Variants in GPR176 observed in about 807,000 individuals in gnomAD.
GPR176 encodes G protein-coupled receptor 176.
GPR176 carries 26 observed loss-of-function variants against 35.4 expected under a neutral mutation model. The ratio of observed to expected loss-of-function variants is 0.74; its 90% CI spans 0.54 to 1.02. The LOEUF (loss-of-function observed/expected upper bound fraction) is 1.02, where lower values mean the gene tolerates loss of function less well. Ranked by LOEUF, GPR176 falls within the 50% of genes least tolerant of loss-of-function variation. The probability of loss-of-function intolerance (pLI) is 0.00; values close to 1 mark genes in which losing one functional copy is unlikely to be tolerated. For synonymous variants in GPR176, 278 were observed against 271.3 expected (o/e 1.02, Z -0.24); for missense variants, 597 against 665.3 (o/e 0.90, Z 1.13).
chr15:39,889,733 C>G (rs548142760), intron 1 of GPR176, among the ~76,000 whole-genome samples: 70 of 152,242 alleles, frequency 4.6e-4, no homozygotes, highest in African/African-American at 1.7e-3. Context: ...ACGCAAACTC[C>G]TTGGAGGTAA....
At position 39,894,264 on chromosome 15, in the gene GPR176, A is replaced by AC. The variant is rs1393294348; in HGVS notation, c.172+25590dup. On this transcript the variant is annotated intron_variant, in intron 1 of 2. Coordinates refer to ENST00000561100, the MANE Select transcript of GPR176 (RefSeq NM_007223.3). ...GGGCGGCTGGCCGGGTTGGGGGCTGACCCCCCCACCTCCCTCCCGGACGGG... is the reference window on the plus strand; with the variant it reads ...GGGCGGCTGGCCGGGTTGGGGGCTGACCCCCCCCACCTCCCTCCCGGACGGG... Among the ~76,000 whole-genome samples, 156 of 92,038 alleles carry AC rather than the reference A, an allele frequency of 1.7e-3. 2 individuals carry two copies. Among genetic ancestry groups the AC allele is most frequent in the African/African-American group, 5.1e-3 (142 of 27,988 alleles). 60.4% of individuals were successfully genotyped at this position (92,038 alleles called of 152,430 possible). A position where few individuals can be genotyped will look rare whatever the true frequency, so the allele number is the denominator to read the frequency against.
At chr15:39,807,622 A>G (rs1452794757) in intron 1 of GPR176, 4 of 987,928 alleles carry the variant, frequency 4.0e-6, no homozygotes, top group East Asian at 2.6e-5. Context: ...CATGTTGCCA[A>G]ACTCTGCAAC....
At chr15:39,820,582 A>ATCTG (rs568933035) in intron 1 of GPR176, among the ~76,000 whole-genome samples, 46 of 152,318 alleles carry the variant, frequency 3.0e-4, no homozygotes, top group African/African-American at 1.1e-3. Flanking sequence ...CCAGAATAAT[A>ATCTG]TCTGTAGTAA....
chr15:39,807,429 T>A, intron 1 of GPR176, 171 bp from the exon 2 acceptor site: 1 of 751,688 alleles, frequency 1.3e-6, no homozygotes, highest in Non-Finnish European at 2.0e-6. Flanking sequence ...TACAGTCAAT[T>A]TATGTGAAAT....
chr15:39,805,971 AG>A (rs1156720680), intron 2 of GPR176, among the ~76,000 whole-genome samples: 1 of 152,204 alleles, frequency 6.6e-6, no homozygotes, highest in African/African-American at 2.4e-5. Context: ...GACTTCTCCC[AG>A]TATGCTGGGG....
intron 1 of GPR176, among the ~76,000 whole-genome samples, chr15:39,886,435 C>A (rs951853742): frequency 1.3e-5 from 2 of 152,054 alleles, no homozygotes; most frequent in African/African-American, 4.8e-5. Context: ...ATCCCCCACC[C>A]CCATCTTGAT....
Position 39,800,799 on chromosome 15 carries a change from G to A in GPR176, c.*333C>T. 4.0e-6 allele frequency: 1 copy of A among 248,096 alleles called. No individual in the cohort carries two copies. The highest frequency in any genetic ancestry group is 7.8e-6 in the Non-Finnish European group (1 of 128,060). 15.4% of individuals were successfully genotyped at this position (248,096 alleles called of 1,614,324 possible). On this transcript the variant is annotated 3_prime_UTR_variant, in exon 3 of 3. Transcript: ENST00000561100. ...AAAGTCTTCTCTCTGTGTGTTCTCT[G>A]CAGAGCCCAGGGAAGTGAGGCATCC...
intron 1 of GPR176, among the ~76,000 whole-genome samples, chr15:39,841,472 G>A (rs2029977638): frequency 6.6e-6 from 1 of 152,154 alleles, no homozygotes; most frequent in African/African-American, 2.4e-5. Context: ...TAAAAAAGGG[G>A]AGATTTGTCC....
chr15:39,838,022 G>C (rs1901515557), intron 1 of GPR176, among the ~76,000 whole-genome samples: 1 of 149,276 alleles, frequency 6.7e-6, no homozygotes, highest in Non-Finnish European at 1.5e-5. Context: ...AAGTCAAAAG[G>C]TACCAGCTGC....
intron 1 of GPR176, among the ~76,000 whole-genome samples, chr15:39,856,486 G>A (rs983030657): frequency 8.5e-5 from 13 of 152,196 alleles, no homozygotes; most frequent in Non-Finnish European, 1.5e-4. Flanking sequence ...GGAGACTATG[G>A]TCAAGCTATG....
chr15:39,816,345 C>T (rs1188294615), intron 1 of GPR176, among the ~76,000 whole-genome samples: 3 of 152,094 alleles, frequency 2.0e-5, no homozygotes, highest in Non-Finnish European at 4.4e-5. Flanking sequence ...AGCCACTCCA[C>T]ATTATACACC....
intron 1 of GPR176, among the ~76,000 whole-genome samples, chr15:39,900,778 T>C (rs2033254042): frequency 6.6e-6 from 1 of 152,146 alleles, no homozygotes; most frequent in Non-Finnish European, 1.5e-5. Context: ...AGATGATGAG[T>C]TCCCTGACAT....
At chr15:39,856,956 G>A (rs1325046213) in intron 1 of GPR176, among the ~76,000 whole-genome samples, 1 of 152,182 alleles carries the variant, frequency 6.6e-6, no homozygotes, top group East Asian at 1.9e-4. Flanking sequence ...TGAGTTTGGG[G>A]AAGATTCCGG....
chr15:39,883,344 G>A (rs2032552103), intron 1 of GPR176, among the ~76,000 whole-genome samples: 1 of 151,862 alleles, frequency 6.6e-6, no homozygotes, highest in South Asian at 2.1e-4. Context: ...TCACTGATAT[G>A]AGAAACGTTT....
intron 1 of GPR176, among the ~76,000 whole-genome samples, chr15:39,831,796 C>T (rs1363857243): frequency 6.6e-6 from 1 of 152,078 alleles, no homozygotes; most frequent in African/African-American, 2.4e-5. Flanking sequence ...TTCCATCAGC[C>T]CTCCGTATCC....
At chr15:39,827,705 C>T (rs925211661) in intron 1 of GPR176, among the ~76,000 whole-genome samples, 4 of 152,122 alleles carry the variant, frequency 2.6e-5, no homozygotes, top group African/African-American at 7.2e-5. Context: ...TAGATTGGTG[C>T]AATTGTGGTT....
chr15:39,830,178 T>C (rs138154871), intron 1 of GPR176, among the ~76,000 whole-genome samples: 7 of 152,262 alleles, frequency 4.6e-5, no homozygotes, highest in African/African-American at 1.7e-4. Flanking sequence ...CTACTACTCT[T>C]TGATACTGAA....
At chr15:39,910,695 A>G (rs2033555213) in intron 1 of GPR176, among the ~76,000 whole-genome samples, 1 of 152,152 alleles carries the variant, frequency 6.6e-6, no homozygotes, top group African/African-American at 2.4e-5. Flanking sequence ...AAGATAGAAA[A>G]GGTTGAGGAG....
intron 1 of GPR176, among the ~76,000 whole-genome samples, chr15:39,843,770 A>G (rs1228822238): frequency 2.6e-5 from 4 of 152,188 alleles, no homozygotes; most frequent in Admixed American, 1.3e-4. Context: ...TCAACAAAAT[A>G]TAGCTTAAAG....
Sources: allele counts gnomAD v4.1 joint callset (sites outside exome capture counted in the v4.1 genomes callset), GRCh38; gene constraint gnomAD v4.1.1; transcripts MANE v1.5; gene names NCBI Gene and HGNC (gene_info 2026-07-23, HGNC 2026-07-21).